The following AVEN variants were observed in gnomAD, a reference collection of about 807,000 sequenced individuals.
AVEN encodes apoptosis and caspase activation inhibitor.
Under a neutral mutation model 38.1 loss-of-function variants are expected in AVEN, and 41 were observed. That is an observed-to-expected ratio of 1.08 (90% CI 0.84 to 1.40). AVEN has a LOEUF of 1.40. Among genes scored for constraint, AVEN ranks in the 40% most tolerant of loss-of-function variants. AVEN has a pLI of 0.00. For synonymous variants in AVEN, 206 were observed against 171.8 expected (o/e 1.20, Z -1.56); for missense variants, 605 against 438.8 (o/e 1.38, Z -3.38).
intron 11 of AVEN, chr15:33,860,554 C>CCACTA: frequency 7.8e-7 from 1 of 1,285,708 alleles, no homozygotes; most frequent in Non-Finnish European, 1.1e-6. Context: ...TACCCCTGAA[C>CCACTA]CACTACACAG....
At chr15:33,875,379 A>T (rs995527458) in intron 3 of AVEN, among the ~76,000 whole-genome samples, 4 of 152,194 alleles carry the variant, frequency 2.6e-5, no homozygotes, top group African/African-American at 7.2e-5. Context: ...TTGGAAAATA[A>T]TCAGAACTCC....
At chr15:33,900,896 C>T (rs1892469441) in intron 2 of AVEN, among the ~76,000 whole-genome samples, 1 of 152,120 alleles carries the variant, frequency 6.6e-6, no homozygotes, top group Non-Finnish European at 1.5e-5. Context: ...TTCAAAGATT[C>T]CTTGGGCTGG....
intron 11 of AVEN, chr15:33,859,542 T>A: frequency 6.2e-7 from 1 of 1,612,506 alleles, no homozygotes; most frequent in Admixed American, 1.7e-5. Context: ...AACTGTGACT[T>A]TTGCCTAAAT....
intron 1 of AVEN, 131 bp downstream of exon 1, chr15:34,038,649 C>CACGCAG: frequency 1.2e-6 from 1 of 845,568 alleles, no homozygotes; most frequent in Non-Finnish European, 1.5e-6. Flanking sequence ...CCGCCCGTCC[C>CACGCAG]GCGCAGGCGC....
At chr15:33,865,281 G>C (rs189119843), downstream of AVEN, 182 of 1,310,788 alleles carry the variant, frequency 1.4e-4, 1 homozygote, top group East Asian at 4.0e-3. Flanking sequence ...ATGAAATAAA[G>C]TCCCCTTTTT....
At chr15:34,037,231 C>T (rs1899184632) in intron 1 of AVEN, among the ~76,000 whole-genome samples, 1 of 152,162 alleles carries the variant, frequency 6.6e-6, no homozygotes, top group Non-Finnish European at 1.5e-5. Context: ...AAGTCCTGTG[C>T]GCCAGACACC....
intron 2 of AVEN, among the ~76,000 whole-genome samples, chr15:33,961,244 T>G (rs964220851): frequency 1.3e-5 from 2 of 152,122 alleles, no homozygotes; most frequent in African/African-American, 4.8e-5. Flanking sequence ...CAAGCAATTC[T>G]CCTGCCTCAG....
intron 2 of AVEN, among the ~76,000 whole-genome samples, chr15:33,941,761 T>C (rs1894327286): frequency 6.6e-6 from 1 of 152,174 alleles, no homozygotes; most frequent in Admixed American, 6.5e-5. Context: ...GACAATAGTC[T>C]TACACTCCTC....
chr15:33,933,491 T>TCTCACACACA (rs1381027093), intron 2 of AVEN, among the ~76,000 whole-genome samples: 5 of 68,300 alleles, frequency 7.3e-5, no homozygotes, highest in Non-Finnish European at 1.0e-4. Context: ...CCTCCAACAA[T>TCTCACACACA]CACACACACA....
the AVEN span, chr15:33,852,965 C>A: frequency 1.7e-6 from 2 of 1,188,268 alleles, no homozygotes; most frequent in Non-Finnish European, 2.4e-6. Flanking sequence ...CAGATCCAGG[C>A]ACTCAAACTG....
intron 2 of AVEN, among the ~76,000 whole-genome samples, chr15:33,984,528 G>A (rs548099030): frequency 1.3e-5 from 2 of 151,830 alleles, no homozygotes; most frequent in African/African-American, 4.8e-5. Context: ...TCAGCCTCCC[G>A]CGTAGCTCAG....
intron 1 of AVEN, among the ~76,000 whole-genome samples, chr15:34,034,437 TTTC>T (rs1567480231): frequency 1.1e-5 from 1 of 90,082 alleles, no homozygotes; most frequent in Non-Finnish European, 2.7e-5. Context: ...TGAGACCCAG[TTTC>T]TTTTTTAAAA....
At chr15:33,993,328 G>A (rs868778965) in intron 2 of AVEN, among the ~76,000 whole-genome samples, 2 of 152,182 alleles carry the variant, frequency 1.3e-5, no homozygotes, top group East Asian at 1.9e-4. Flanking sequence ...AACAGAAAGA[G>A]TTCTACAAAG....
chr15:34,070,525 G>A (rs929813556), intron 2 of AVEN, among the ~76,000 whole-genome samples: 1 of 151,848 alleles, frequency 6.6e-6, no homozygotes, highest in African/African-American at 2.4e-5. Context: ...ACATAGTGAT[G>A]ACTACTTACC....
chr15:33,916,460 CCG>C (rs1471691923), intron 2 of AVEN, among the ~76,000 whole-genome samples: 2 of 152,014 alleles, frequency 1.3e-5, no homozygotes, highest in African/African-American at 4.8e-5. Flanking sequence ...GGACTAATAA[CCG>C]GAATTTACAA....
downstream of AVEN, chr15:33,854,768 C>T (rs2079472727): frequency 6.2e-7 from 1 of 1,600,934 alleles, no homozygotes; most frequent in Non-Finnish European, 8.5e-7. Flanking sequence ...ATTCCCAGTC[C>T]TTTCTCTACC....
chr15:33,882,754 T>C (rs1352008977), intron 2 of AVEN, among the ~76,000 whole-genome samples: 3 of 151,944 alleles, frequency 2.0e-5, no homozygotes, highest in Admixed American at 6.6e-5. Flanking sequence ...GCACCTATAG[T>C]CTCAGCTACT....
chr15:34,012,390 C>T (rs1897675266), intron 1 of AVEN, among the ~76,000 whole-genome samples: 1 of 151,948 alleles, frequency 6.6e-6, no homozygotes, highest in Non-Finnish European at 1.5e-5. Flanking sequence ...ATATAAATAC[C>T]CTGAGCATTT....
chr15:34,021,191 T>C (rs1463954881), intron 1 of AVEN, among the ~76,000 whole-genome samples: 2 of 152,176 alleles, frequency 1.3e-5, no homozygotes, highest in Non-Finnish European at 2.9e-5. Context: ...ATCTTTTTCT[T>C]TTTCTTTTTT....
Sources: gnomAD v4.1 joint callset for allele counts (sites outside exome capture counted in the v4.1 genomes callset) on GRCh38, gnomAD v4.1.1 for gene constraint, MANE v1.5 for transcripts, NCBI Gene and HGNC (gene_info 2026-07-23, HGNC 2026-07-21) for gene names.